The following CRTAC1 variants were observed in gnomAD, a reference collection of about 807,000 sequenced individuals.
CRTAC1 encodes the protein cartilage acidic protein 1.
In CRTAC1, 37 loss-of-function variants were observed where a neutral mutation model predicts 67.8. The observed-to-expected ratio is 0.55, with a 90% confidence interval of 0.42 to 0.72. CRTAC1 has a LOEUF of 0.72. CRTAC1 is among the 30% of genes least tolerant of loss of function. The probability of loss-of-function intolerance (pLI) is 0.00; values close to 1 mark genes in which losing one functional copy is unlikely to be tolerated. For synonymous variants in CRTAC1, 348 were observed against 371.0 expected (o/e 0.94, Z 0.71); for missense variants, 780 against 931.6 (o/e 0.84, Z 2.12).
intron 2 of CRTAC1, 38 bp from the exon 3 acceptor site, chr10:97,936,404 C>T (rs888432806): frequency 2.4e-5 from 37 of 1,549,502 alleles, no homozygotes; most frequent in Non-Finnish European, 3.0e-5. Context: ...GGGGAGGAGC[C>T]GCTGGGCCCA....
At chr10:97,929,515 A>T (rs975587709) in intron 3 of CRTAC1, among the ~76,000 whole-genome samples, 1 of 152,192 alleles carries the variant, frequency 6.6e-6, no homozygotes, top group Non-Finnish European at 1.5e-5. Flanking sequence ...AAGGGTGGGC[A>T]GGTTTGTGTG....
chr10:97,865,618 GCAGCAGTGGCAGCTC>G lies in CRTAC1; in HGVS notation c.1901_1915del (p.Gly634_Ala638del), dbSNP rs776864978. ...GAGATCTCCATCTACGAGGACCGGT[GCAGCAGTGGCAGCTC>G]CAGCAGCGGCAGCAGCAGCGGCAGT... On this transcript the variant is annotated inframe_deletion, in exon 15 of 15. Transcript: ENST00000370597. 6.2e-7 allele frequency: 1 copy of G among 1,613,476 alleles called. No individual in the cohort carries two copies. The highest frequency in any genetic ancestry group is 8.5e-7 in the Non-Finnish European group (1 of 1,179,672).
chr10:97,991,560 G>A (rs1271855693), intron 2 of CRTAC1, among the ~76,000 whole-genome samples: 3 of 152,078 alleles, frequency 2.0e-5, no homozygotes, highest in Non-Finnish European at 4.4e-5. Flanking sequence ...GTTATATTAG[G>A]TATTAAAGAA....
At chr10:97,888,062 C>G (rs559704597) in intron 11 of CRTAC1, among the ~76,000 whole-genome samples, 11 of 152,318 alleles carry the variant, frequency 7.2e-5, no homozygotes, top group African/African-American at 2.2e-4. Flanking sequence ...CAGCAGAGGT[C>G]CGAGAGATCC....
intron 6 of CRTAC1, among the ~76,000 whole-genome samples, chr10:97,907,717 C>A (rs1360401645): frequency 6.6e-6 from 1 of 152,040 alleles, no homozygotes; most frequent in Non-Finnish European, 1.5e-5. Flanking sequence ...TAGGTTGATG[C>A]TGAGAGACAC....
At chr10:97,931,211 G>A (rs1280623670) in intron 3 of CRTAC1, among the ~76,000 whole-genome samples, 7 of 152,152 alleles carry the variant, frequency 4.6e-5, no homozygotes, top group African/African-American at 1.2e-4. Context: ...TGGGAGTGTC[G>A]GAAAGTGCTT....
At chr10:97,897,043 C>T (rs1300487285) in intron 8 of CRTAC1, 52 bp from the exon 9 acceptor site, 2 of 1,332,028 alleles carry the variant, frequency 1.5e-6, no homozygotes, top group Non-Finnish European at 1.0e-6. Flanking sequence ...GGCCGCTGGA[C>T]CAGAAGGCCC....
intron 14 of CRTAC1, chr10:97,866,687 T>A (rs1263322414): frequency 6.6e-6 from 1 of 152,256 alleles, no homozygotes. Flanking sequence ...TGTGTGTGTC[T>A]GAGTACATGT....
At chr10:97,866,677 T>A (rs2050029061) in intron 14 of CRTAC1, 1 of 152,252 alleles carries the variant, frequency 6.6e-6, no homozygotes, top group Non-Finnish European at 1.5e-5. Context: ...TAAGCACACC[T>A]GTGTGTGTCT....
At chr10:97,956,888 C>G (rs1430566423) in intron 2 of CRTAC1, among the ~76,000 whole-genome samples, 1 of 151,926 alleles carries the variant, frequency 6.6e-6, no homozygotes, top group Non-Finnish European at 1.5e-5. Flanking sequence ...CACACTGCAA[C>G]CTCAGCCTCC....
At position 98,022,181 on chromosome 10, in the gene CRTAC1, C is replaced by A. The variant is rs184816903; in HGVS notation, c.24+8268G>T. On this transcript the variant is annotated intron_variant, in intron 1 of 14. Coordinates refer to ENST00000370597, the MANE Select transcript of CRTAC1 (RefSeq NM_018058.7). Reference sequence around the variant, plus strand: ...GACCAGCCTGACCAACATGGAGAAACCCCAACTCTACTAAAAATACAAAAT... The same window carrying A: ...GACCAGCCTGACCAACATGGAGAAAACCCAACTCTACTAAAAATACAAAAT... Among the ~76,000 whole-genome samples the A allele has an allele frequency of 1.2e-3, 185 of 151,976 alleles. 1 individual carries two copies. The highest frequency in any genetic ancestry group is 4.3e-3 in the African/African-American group (180 of 41,404).
At chr10:97,926,418 C>T (rs558982983) in intron 3 of CRTAC1, among the ~76,000 whole-genome samples, 2 of 152,222 alleles carry the variant, frequency 1.3e-5, no homozygotes, top group South Asian at 2.1e-4. Context: ...GGAGAGAGTT[C>T]GGCAGCAGCT....
rs559542916 is a variant in CRTAC1 at position 97,953,531 on chromosome 10, C to T, written c.225-17165G>A. On this transcript the variant is annotated intron_variant, in intron 2 of 14. Coordinates refer to ENST00000370597, the MANE Select transcript of CRTAC1 (RefSeq NM_018058.7). ...TGTGTTGGTTTAATCCAGCCCTGAC[C>T]TTGGGACTCAAAACACAGAACTAAA... Among the ~76,000 whole-genome samples the T allele has an allele frequency of 5.9e-5, 9 of 152,232 alleles. No homozygotes were observed. In the East Asian group the frequency reaches 1.7e-3, roughly 29 times the overall value.
intron 2 of CRTAC1, among the ~76,000 whole-genome samples, chr10:97,970,891 T>C (rs1291672931): frequency 2.0e-5 from 3 of 152,158 alleles, no homozygotes; most frequent in Non-Finnish European, 4.4e-5. Context: ...TATAGAGTAA[T>C]AAGTAAAACA....
intron 1 of CRTAC1, among the ~76,000 whole-genome samples, chr10:98,026,742 G>C (rs1271020292): frequency 2.0e-5 from 3 of 152,188 alleles, no homozygotes; most frequent in African/African-American, 7.2e-5. Context: ...GTGAGTCTTA[G>C]GGAGAGAAGA....
chr10:97,934,328 C>T (rs1055402851), intron 3 of CRTAC1, among the ~76,000 whole-genome samples: 2 of 152,208 alleles, frequency 1.3e-5, no homozygotes, highest in Non-Finnish European at 2.9e-5. Context: ...CATAATCATG[C>T]CCTGATATTT....
At chr10:97,933,368 A>C (rs2051032038) in intron 3 of CRTAC1, among the ~76,000 whole-genome samples, 1 of 152,230 alleles carries the variant, frequency 6.6e-6, no homozygotes, top group South Asian at 2.1e-4. Flanking sequence ...CGATCTCATG[A>C]GCCCAGGGCC....
intron 2 of CRTAC1, among the ~76,000 whole-genome samples, chr10:97,937,382 C>T (rs955463085): frequency 1.3e-5 from 2 of 152,194 alleles, no homozygotes; most frequent in Admixed American, 6.5e-5. Context: ...CCCGCCACTG[C>T]ACCACCACCC....
chr10:97,997,292 CA>C (rs200641021), intron 2 of CRTAC1, among the ~76,000 whole-genome samples: 129 of 135,108 alleles, frequency 9.5e-4, no homozygotes, highest in African/African-American at 1.7e-3. Context: ...TAGTCAAATA[CA>C]AAAAAAAAAA....
Sources: allele counts gnomAD v4.1 joint callset (sites outside exome capture counted in the v4.1 genomes callset), GRCh38; gene constraint gnomAD v4.1.1; transcripts MANE v1.5; gene names NCBI Gene and HGNC (gene_info 2026-07-23, HGNC 2026-07-21).